HERC3: variants seen among roughly 807,000 people sequenced by gnomAD.
HERC3 encodes HECT and RLD domain containing E3 ubiquitin protein ligase 3, also known as probable E3 ubiquitin-protein ligase HERC3.
In HERC3, 58 loss-of-function variants were observed where a neutral mutation model predicts 129.9. The observed-to-expected ratio is 0.45, with a 90% CI of 0.36 to 0.56. The LOEUF (loss-of-function observed/expected upper bound fraction) is 0.56, where lower values mean the gene tolerates loss of function less well. HERC3 is among the 20% of genes least tolerant of loss of function. HERC3 has a pLI of 0.00. For synonymous variants in HERC3, 430 were observed against 451.0 expected, an observed-to-expected ratio of 0.95 and a Z score of 0.59; for missense variants, 835 against 1,244.2, an observed-to-expected ratio of 0.67 and a Z score of 4.95.
At chr4:88,641,755 T>A (rs1001052304) in intron 3 of HERC3, among the ~76,000 whole-genome samples, 14 of 152,120 alleles carry the variant, frequency 9.2e-5, no homozygotes, top group Non-Finnish European at 2.1e-4. Context: ...TCAACCAAGA[T>A]GCAATAGATA....
chr4:88,696,764 C>G (rs142359525), intron 23 of HERC3: 1 of 157,460 alleles, frequency 6.4e-6, no homozygotes, highest in Non-Finnish European at 1.4e-5. Context: ...GTTCTGCCTT[C>G]TCTGCACTGC....
chr4:88,557,520 T>C, the HERC3 span, among the ~76,000 whole-genome samples: 8 of 152,264 alleles, frequency 5.3e-5, no homozygotes, highest in African/African-American at 1.9e-4. Context: ...TATATTCACA[T>C]ACGTGTGTGT....
the HERC3 span, among the ~76,000 whole-genome samples, chr4:88,570,341 G>A: frequency 6.6e-6 from 1 of 152,148 alleles, no homozygotes; most frequent in Non-Finnish European, 1.5e-5. Context: ...TCATGAACTT[G>A]TGAAAGAAAA....
chr4:88,666,103 G>A lies in HERC3; in HGVS notation c.1332-1274G>A, dbSNP rs915844372. On this transcript the variant is annotated intron_variant, in intron 12 of 25. Coordinates refer to ENST00000402738, the MANE Select transcript of HERC3 (RefSeq NM_014606.3). ...AATAGTACCAAGGTTGAGAAACCCC[G>A]TTCTAGATGGATAGCTTTCATGACA... Among the ~76,000 whole-genome samples, 3 of 152,304 alleles carry A rather than the reference G, an allele frequency of 2.0e-5. No individual in the cohort carries two copies. In the South Asian group the frequency reaches 6.2e-4, roughly 32 times the overall value.
chr4:88,623,373 A>G (rs1189717856), intron 3 of HERC3, among the ~76,000 whole-genome samples: 1 of 152,190 alleles, frequency 6.6e-6, no homozygotes, highest in East Asian at 1.9e-4. Context: ...GTCCTCCCAT[A>G]ATGTGCTATG....
At chr4:88,630,413 A>G (rs1373873012) in intron 3 of HERC3, among the ~76,000 whole-genome samples, 2 of 152,186 alleles carry the variant, frequency 1.3e-5, no homozygotes, top group African/African-American at 4.8e-5. Context: ...ATTATTACAG[A>G]CATTTTATAG....
intron 1 of HERC3, among the ~76,000 whole-genome samples, chr4:88,592,821 C>T (rs534833231): frequency 6.6e-6 from 1 of 151,682 alleles, no homozygotes; most frequent in African/African-American, 2.4e-5. Context: ...CTCGTGGGCT[C>T]GCCCTCCGGT....
At chr4:88,660,247 G>A (rs1730345509) in intron 10 of HERC3, among the ~76,000 whole-genome samples, 1 of 151,844 alleles carries the variant, frequency 6.6e-6, no homozygotes, top group African/African-American at 2.4e-5. Flanking sequence ...TGTCGCCCAG[G>A]CTGGGGTACA....
chr4:88,631,546 G>T (rs1192981649), intron 3 of HERC3, among the ~76,000 whole-genome samples: 1 of 152,224 alleles, frequency 6.6e-6, no homozygotes, highest in African/African-American at 2.4e-5. Context: ...CTTAATGATT[G>T]TTTAAAGTTG....
chr4:88,654,652 A>G (rs1043527295), intron 7 of HERC3, among the ~76,000 whole-genome samples: 1 of 151,486 alleles, frequency 6.6e-6, no homozygotes, highest in Admixed American at 6.6e-5. Context: ...AATGTTTTAA[A>G]ATAATCATGT....
intron 3 of HERC3, among the ~76,000 whole-genome samples, chr4:88,642,507 G>C (rs1728231646): frequency 6.6e-6 from 1 of 152,182 alleles, no homozygotes; most frequent in African/African-American, 2.4e-5. Flanking sequence ...TCACAAACTT[G>C]TTGGCTTATA....
chr4:88,700,440 T>G (rs1735218936), intron 23 of HERC3, among the ~76,000 whole-genome samples: 1 of 152,090 alleles, frequency 6.6e-6, no homozygotes. Context: ...AGCTAAAAGG[T>G]TCAAGATTGG....
In HERC3 at chr4:88,686,620, A is replaced by G. The variant is rs1733497384; in HGVS notation, c.2508-116A>G. 6.0e-6 allele frequency: 4 copies of G among 663,290 alleles called. No individual in the cohort carries two copies. The East Asian group carries it at 1.1e-4, about 18-fold the overall frequency. The allele number at this position is 663,290 out of a possible 1,614,324, so 41.1% of individuals were successfully genotyped here. On this transcript the variant is annotated intron_variant, in intron 21 of 25. Transcript: ENST00000402738. The stretch of plus-strand genomic sequence containing the variant: ...GTCCGTCCGGATTTATGTTTATTCC[A>G]GAATCTTCTTTCATAGTTTTTCCTT...
chr4:88,634,947 A>G (rs1189325175), intron 3 of HERC3, among the ~76,000 whole-genome samples: 3 of 152,168 alleles, frequency 2.0e-5, no homozygotes, highest in Non-Finnish European at 2.9e-5. Context: ...AAAAACAGAA[A>G]GTAACAACAA....
chr4:88,655,054 C>T, intron 7 of HERC3, 120 bp from the exon 8 acceptor site: 2 of 917,490 alleles, frequency 2.2e-6, no homozygotes, highest in African/African-American at 1.7e-5. Flanking sequence ...TGATTTTGGC[C>T]AAGTGTCAAG....
chr4:88,637,221 C>A (rs557934405), intron 3 of HERC3, among the ~76,000 whole-genome samples: 2 of 151,878 alleles, frequency 1.3e-5, no homozygotes, highest in African/African-American at 4.8e-5. Context: ...GTCAGGAGAT[C>A]GAGACCATCC....
At chr4:88,593,208 C>T (rs1721938080) in intron 1 of HERC3, 2 of 152,094 alleles carry the variant, frequency 1.3e-5, no homozygotes, top group Non-Finnish European at 2.9e-5. Flanking sequence ...TCTCCCGGGT[C>T]CGCCTCCTGG....
the HERC3 span, among the ~76,000 whole-genome samples, chr4:88,537,936 G>C: frequency 2.6e-5 from 4 of 152,320 alleles, no homozygotes; most frequent in East Asian, 5.8e-4. Flanking sequence ...TTGGCTCACA[G>C]CTAGATCACT....
intron 23 of HERC3, among the ~76,000 whole-genome samples, chr4:88,703,229 T>C (rs1735483178): frequency 6.6e-6 from 1 of 152,108 alleles, no homozygotes; most frequent in African/African-American, 2.4e-5. Context: ...CAGCCTCCAA[T>C]CAGAGTGTAC....
Sources: allele counts gnomAD v4.1 joint callset (sites outside exome capture counted in the v4.1 genomes callset), GRCh38; gene constraint gnomAD v4.1.1; transcripts MANE v1.5; gene names NCBI Gene and HGNC (gene_info 2026-07-23, HGNC 2026-07-21).